Variants in ANKFY1 observed in about 807,000 individuals in gnomAD.
The protein encoded by ANKFY1 is ankyrin repeat and FYVE domain containing 1, also known as ankyrin repeat and FYVE domain-containing protein 1.
Under a neutral mutation model 128.3 loss-of-function variants are expected in ANKFY1, and 47 were observed. The ratio of observed to expected loss-of-function variants is 0.37; its 90% CI spans 0.29 to 0.47. The LOEUF is 0.47. ANKFY1 is among the 20% of genes least tolerant of loss of function. The pLI, the probability that ANKFY1 is intolerant of heterozygous loss-of-function variation, is 1.00. For missense variants in ANKFY1, 1,222 were observed against 1,510.6 expected (o/e 0.81, Z 3.17); for synonymous variants, 553 against 601.6 (o/e 0.92, Z 1.18).
At chr17:4,248,043 C>A (rs970610700) in intron 1 of ANKFY1, among the ~76,000 whole-genome samples, 14 of 152,180 alleles carry the variant, frequency 9.2e-5, no homozygotes, top group Non-Finnish European at 1.3e-4. Flanking sequence ...GGGTTTGACC[C>A]CAGCTTACCC....
intron 3 of ANKFY1, among the ~76,000 whole-genome samples, chr17:4,224,998 T>C (rs1201520224): frequency 6.6e-6 from 1 of 151,386 alleles, no homozygotes; most frequent in Non-Finnish European, 1.5e-5. Flanking sequence ...CAAGGCTGGC[T>C]TAAGTATAAA....
rs372207094 is a variant in ANKFY1 at position 4,170,820 on chromosome 17, G to A, written c.3181C>T (p.Arg1061Cys). ...AYMKGNANLC[R>C]AIVRSGARLG... ...CGAGCCCCCGACCGGACGATGGCGC[G>A]GCACAAGTTGGCGTTCCCTTTCATG... Residue 1061 changes from arginine (R) to cysteine (C), a missense_variant, in exon 23 of 25, where the codon CGC (arginine) becomes TGC (cysteine). Transcript: ENST00000341657. 6 of 1,614,060 alleles carry A rather than the reference G, an allele frequency of 3.7e-6. No individual in the cohort carries two copies. Among genetic ancestry groups the A allele is most frequent in the Admixed American group, 1.7e-5 (1 of 60,004 alleles).
At chr17:4,185,421 T>G (rs953205998) in intron 11 of ANKFY1, among the ~76,000 whole-genome samples, 2 of 152,116 alleles carry the variant, frequency 1.3e-5, no homozygotes, top group African/African-American at 4.8e-5. Context: ...GCCAGGCTGG[T>G]CTCAAACTCC....
At position 4,169,147 on chromosome 17, in the gene ANKFY1, T is replaced by C. The variant is rs1597998757; in HGVS notation, c.3377+51A>G. ...CTGTCCTGGAGAAGGGGGGAAGCAA[T>C]GACATCAGCGGCAGTCCCCTCGCTC... On this transcript the variant is annotated intron_variant, in intron 24 of 24. Transcript: ENST00000341657. This position sits in a 1 kb window ranked among gnomAD's most constrained non-coding sequence, Gnocchi z 5.0. The C allele has an allele frequency of 6.7e-7, 1 of 1,481,558 alleles. No individual in the cohort carries two copies. Among genetic ancestry groups the C allele is most frequent in the East Asian group, 2.5e-5 (1 of 40,236 alleles). 91.8% of individuals were successfully genotyped at this position (1,481,558 alleles called of 1,614,324 possible).
chr17:4,181,239 T>C lies in ANKFY1; in HGVS notation c.2240+15A>G. 6.2e-7 allele frequency: 1 copy of C among 1,602,166 alleles called. No individual in the cohort carries two copies. Among genetic ancestry groups the C allele is most frequent in the Non-Finnish European group, 8.6e-7 (1 of 1,169,178 alleles). Reference sequence around the variant, plus strand: ...TCACTAAAAAGCTGTGGAGAGATACTGGGGACTCTCAGACCTGCGAATAAG... The same window carrying C: ...TCACTAAAAAGCTGTGGAGAGATACCGGGGACTCTCAGACCTGCGAATAAG... On this transcript the variant is annotated intron_variant, in intron 16 of 24. Coordinates refer to ENST00000341657, the MANE Select transcript of ANKFY1 (RefSeq NM_001330063.2). This position sits in a 1 kb window ranked among gnomAD's most constrained non-coding sequence, Gnocchi z 4.9.
intron 3 of ANKFY1, among the ~76,000 whole-genome samples, chr17:4,225,681 C>T (rs148595770): frequency 1.3e-5 from 2 of 152,084 alleles, no homozygotes; most frequent in Admixed American, 6.5e-5. Context: ...GAGAGGGAGG[C>T]GAAACTTGAA....
At chr17:4,263,855 C>T in intron 1 of ANKFY1, 77 bp downstream of exon 1, 4 of 1,612,780 alleles carry the variant, frequency 2.5e-6, no homozygotes, top group South Asian at 1.1e-5. Context: ...GCCTTCCCCT[C>T]CCACGGCAGC....
chr17:4,256,300 C>T (rs907019563), intron 1 of ANKFY1, among the ~76,000 whole-genome samples: 4 of 151,748 alleles, frequency 2.6e-5, no homozygotes, highest in African/African-American at 9.7e-5. Flanking sequence ...CAGTGGCGGG[C>T]GCCTGTAGTC....
intron 7 of ANKFY1, among the ~76,000 whole-genome samples, chr17:4,199,401 A>G (rs891591908): frequency 6.6e-5 from 10 of 152,218 alleles, no homozygotes; most frequent in African/African-American, 2.4e-4. Flanking sequence ...CATGTTGCCC[A>G]GGCTGGTCTC....
chr17:4,217,936 G>A (rs577009653), intron 3 of ANKFY1, among the ~76,000 whole-genome samples: 4 of 152,164 alleles, frequency 2.6e-5, no homozygotes, highest in East Asian at 1.9e-4. Flanking sequence ...CAACTGCCTC[G>A]GCCTCCTAAA....
intron 16 of ANKFY1, 170 bp from the exon 17 acceptor site, chr17:4,180,047 A>G: frequency 5.0e-6 from 4 of 806,142 alleles, no homozygotes; most frequent in East Asian, 5.1e-5. Context: ...TTCCACTCCC[A>G]TAGATTCTTC....
intron 11 of ANKFY1, among the ~76,000 whole-genome samples, 165 bp from the exon 12 acceptor site, chr17:4,185,211 T>G (rs575037954): frequency 3.6e-4 from 55 of 152,240 alleles, no homozygotes; most frequent in African/African-American, 1.2e-3. Context: ...CAGTATCTTT[T>G]TTTGTTTGTT....
intron 7 of ANKFY1, among the ~76,000 whole-genome samples, chr17:4,198,907 T>A (rs923027330): frequency 1.3e-5 from 2 of 152,134 alleles, no homozygotes. Flanking sequence ...TAAGACTGAA[T>A]AACATCCCAG....
In ANKFY1 at chr17:4,165,267, A is replaced by C. The variant is rs1441921259; in HGVS notation, c.*2512T>G. On this transcript the variant is annotated 3_prime_UTR_variant, in exon 25 of 25. Transcript: ENST00000341657. ...CAGTTGAGAGCACATTCAGCATAACAATGTTGACTGTTGCAGCAAATTATG... is the reference window on the plus strand; with the variant it reads ...CAGTTGAGAGCACATTCAGCATAACCATGTTGACTGTTGCAGCAAATTATG... 6.6e-6 allele frequency: 1 copy of C among 152,254 alleles called. No homozygotes were observed. The highest frequency in any genetic ancestry group is 6.5e-5 in the Admixed American group (1 of 15,286). 9.4% of individuals were successfully genotyped at this position (152,254 alleles called of 1,614,324 possible). A position where few individuals can be genotyped will look rare whatever the true frequency, so the allele number is the denominator to read the frequency against.
At chr17:4,232,878 G>T (rs768613732) in intron 3 of ANKFY1, among the ~76,000 whole-genome samples, 1 of 152,070 alleles carries the variant, frequency 6.6e-6, no homozygotes, top group Non-Finnish European at 1.5e-5. Flanking sequence ...AGAGAGCAGC[G>T]ATGTTTCGTT....
At chr17:4,184,416 A>G (rs2059573999) in intron 12 of ANKFY1, among the ~76,000 whole-genome samples, 1 of 152,218 alleles carries the variant, frequency 6.6e-6, no homozygotes, top group South Asian at 2.1e-4. Flanking sequence ...TCTGAGGGAA[A>G]CGGCCCTTCT....
At chr17:4,229,204 A>T (rs2060474581) in intron 3 of ANKFY1, among the ~76,000 whole-genome samples, 1 of 152,142 alleles carries the variant, frequency 6.6e-6, no homozygotes, top group South Asian at 2.1e-4. Flanking sequence ...TGGGTGGATC[A>T]CCTGAGGTCA....
At chr17:4,208,920 G>C (rs559088375) in intron 5 of ANKFY1, among the ~76,000 whole-genome samples, 1 of 152,098 alleles carries the variant, frequency 6.6e-6, no homozygotes, top group African/African-American at 2.4e-5. Context: ...TTAGCCAGGC[G>C]TGGTGCTGCA....
chr17:4,211,665 C>A (rs983320689), intron 4 of ANKFY1, among the ~76,000 whole-genome samples: 1 of 152,046 alleles, frequency 6.6e-6, no homozygotes, highest in Non-Finnish European at 1.5e-5. Context: ...GCCACGAGTT[C>A]AAGACCAGCC....
Sources: gnomAD v4.1 joint callset for allele counts (sites outside exome capture counted in the v4.1 genomes callset) on GRCh38, gnomAD v4.1.1 for gene constraint, Gnocchi (gnomAD v3.1) non-coding constraint, MANE v1.5 for transcripts, NCBI Gene and HGNC (gene_info 2026-07-23, HGNC 2026-07-21) for gene names.